The following KLRK1 variants were observed in gnomAD, a reference collection of about 807,000 sequenced individuals.
The protein encoded by KLRK1 is NKG2-D type II integral membrane protein.
Under a neutral mutation model 31.3 loss-of-function variants are expected in KLRK1, and 40 were observed. That is an observed-to-expected ratio of 1.28 (90% CI 0.99 to 1.67). The LOEUF (loss-of-function observed/expected upper bound fraction) is 1.67, where lower values mean the gene tolerates loss of function less well. Ranked by LOEUF, KLRK1 falls within the 40% of genes most tolerant of loss-of-function variation. The pLI, the probability that KLRK1 is intolerant of heterozygous loss-of-function variation, is 0.00. For synonymous variants in KLRK1, 77 were observed against 77.3 expected, an observed-to-expected ratio of 1.00 and a Z score of 0.02; for missense variants, 251 against 260.0, an observed-to-expected ratio of 0.97 and a Z score of 0.24.
intron 3 of KLRK1, among the ~76,000 whole-genome samples, chr12:10,385,272 G>A (rs1032207413): frequency 1.3e-5 from 2 of 151,426 alleles, no homozygotes; most frequent in African/African-American, 4.9e-5. Context: ...TTGAAGTAAC[G>A]TCTGCACCCC....
At chr12:10,380,083 T>TG (rs1491543806) in intron 3 of KLRK1, among the ~76,000 whole-genome samples, 2 of 77,982 alleles carry the variant, frequency 2.6e-5, no homozygotes, top group African/African-American at 8.2e-5. Context: ...TTTTTTTTTT[T>TG]GAGACGGAGT....
Position 10,386,909 on chromosome 12 carries a change from C to G in KLRK1, c.142G>C (p.Glu48Gln), listed in dbSNP as rs759618556. ...AATGGAACATAGGACTTACCATTTT[C>G]TCTACATTTGCTTTTGACTACTGGA... ...RCPVVKSKCR[E>Q]NASPFFFCCF... Residue 48 changes from glutamate to glutamine, a missense_variant, in exon 3 of 8, where the codon GAA becomes CAA. Glu to Gln is a conservative substitution (Grantham distance 29, BLOSUM62 2). Coordinates refer to ENST00000240618, the MANE Select transcript of KLRK1 (RefSeq NM_007360.4). 59 of 1,611,360 alleles carry G rather than the reference C, an allele frequency of 3.7e-5. No homozygotes were observed. Among genetic ancestry groups the G allele is most frequent in the Non-Finnish European group, 4.9e-5 (58 of 1,178,780 alleles).
chr12:10,373,720 A>G (rs991432259), intron 7 of KLRK1, among the ~76,000 whole-genome samples: 1 of 146,642 alleles, frequency 6.8e-6, no homozygotes, highest in African/African-American at 2.6e-5. Flanking sequence ...GTGTGTGCAT[A>G]TGTTTAGGCA....
intron 2 of KLRK1, 79 bp from the exon 3 acceptor site, chr12:10,387,089 C>T (rs1863179614): frequency 1.8e-6 from 2 of 1,090,444 alleles, no homozygotes; most frequent in Non-Finnish European, 2.6e-6. Flanking sequence ...ATTCAGCTTG[C>T]CATTTCCATC....
Position 10,379,764 on chromosome 12 carries a change from G to T in KLRK1, c.177C>A (p.Ile59=), listed in dbSNP as rs200989597. 4 of 1,611,368 alleles carry T rather than the reference G, an allele frequency of 2.5e-6. No homozygotes were observed. The highest frequency in any genetic ancestry group is 3.3e-5 in the Admixed American group (2 of 59,832). Residue 59 remains isoleucine, a synonymous_variant, in exon 4 of 8, where the codon ATC becomes ATA. Coordinates refer to ENST00000240618, the MANE Select transcript of KLRK1 (RefSeq NM_007360.4). The stretch of plus-strand genomic sequence containing the variant: ...TGAAACGGATTCCCATGGCTACAGC[G>T]ATGAAGCAGCAGAAAAAAAATGGAG... ...NASPFFFCCF[I]AVAMGIRFII...
At chr12:10,377,508 G>A (rs1231074786) in intron 7 of KLRK1, among the ~76,000 whole-genome samples, 1 of 152,148 alleles carries the variant, frequency 6.6e-6, no homozygotes, top group Non-Finnish European at 1.5e-5. Context: ...ACTTTTCTAA[G>A]TGAAAATAAG....
At position 10,386,929 on chromosome 12, in the gene KLRK1, A is replaced by C; in HGVS notation, c.122T>G (p.Val41Gly). Residue 41 changes from valine to glycine, a missense_variant, in exon 3 of 8, where the codon GTA (valine) becomes GGA (glycine). Coordinates refer to ENST00000240618, the MANE Select transcript of KLRK1 (RefSeq NM_007360.4). ...ATTTTCTCTACATTTGCTTTTGACT[A>C]CTGGACATCTTTGCTTTTGCCATCG... ...STRWQKQRCP[V>G]VKSKCRENAS... The C allele has an allele frequency of 3.1e-6, 5 of 1,612,070 alleles. No homozygotes were observed. Among genetic ancestry groups the C allele is most frequent in the Non-Finnish European group, 4.2e-6 (5 of 1,179,080 alleles).
At position 10,389,934 on chromosome 12, in the gene KLRK1, TACAC is replaced by T. The variant is rs1863244214; in HGVS notation, c.-66+5_-66+8del. 1 of 152,040 alleles carries T rather than the reference TACAC, an allele frequency of 6.6e-6. No homozygotes were observed. The highest frequency in any genetic ancestry group is 1.9e-4 in the East Asian group (1 of 5,190). 9.4% of individuals were successfully genotyped at this position (152,040 alleles called of 1,614,324 possible). Reference sequence around the variant, plus strand: ...TAATAAACACACACACATACACACATACACACACCTGCTCAGAGAGGGAAGATCT... The same window carrying T: ...TAATAAACACACACACATACACACATACACCTGCTCAGAGAGGGAAGATCT... On this transcript the variant is annotated splice_donor_5th_base_variant and intron_variant, in intron 1 of 7. Transcript: ENST00000240618.
intron 7 of KLRK1, among the ~76,000 whole-genome samples, chr12:10,377,250 G>C (rs998960973): frequency 6.6e-6 from 1 of 152,148 alleles, no homozygotes. Context: ...TTGGATAACA[G>C]TGTGGCACTT....
chr12:10,387,437 TAAAAA>T (rs899392124), intron 2 of KLRK1, among the ~76,000 whole-genome samples: 4 of 151,598 alleles, frequency 2.6e-5, no homozygotes, highest in Non-Finnish European at 5.9e-5. Context: ...ACGAAAGAAA[TAAAAA>T]AGAAAAGGAT....
Position 10,372,552 on chromosome 12 carries a change from G to A in KLRK1, c.*562C>T, listed in dbSNP as rs541993380. On this transcript the variant is annotated 3_prime_UTR_variant, in exon 8 of 8. Coordinates refer to ENST00000240618, the MANE Select transcript of KLRK1 (RefSeq NM_007360.4). The stretch of plus-strand genomic sequence containing the variant: ...AAGTACAAATCATAGCAAAGGAAAC[G>A]TCCTAAGATCTTACTTAAGGCTGGA... The A allele has an allele frequency of 1.1e-5, 1 of 89,816 alleles. No individual in the cohort carries two copies. The highest frequency in any genetic ancestry group is 2.6e-5 in the Non-Finnish European group (1 of 38,002). The allele number at this position is 89,816 out of a possible 1,614,324, so 5.6% of individuals were successfully genotyped here.
intron 3 of KLRK1, among the ~76,000 whole-genome samples, chr12:10,380,089 G>T (rs1456349419): frequency 8.1e-6 from 1 of 122,790 alleles, no homozygotes; most frequent in Non-Finnish European, 1.6e-5. Context: ...TTTTTGAGAC[G>T]GAGTCTCGCT....
chr12:10,374,858 G>A (rs188471744), intron 7 of KLRK1, among the ~76,000 whole-genome samples: 9 of 152,182 alleles, frequency 5.9e-5, no homozygotes, highest in Non-Finnish European at 1.0e-4. Flanking sequence ...ACTCATCTCT[G>A]TAGTTATCTC....
intron 1 of KLRK1, among the ~76,000 whole-genome samples, chr12:10,389,349 A>T (rs191017670): frequency 6.6e-6 from 1 of 152,268 alleles, no homozygotes; most frequent in Non-Finnish European, 1.5e-5. Flanking sequence ...CAACGTGCCC[A>T]TATCATCATC....
intron 2 of KLRK1, among the ~76,000 whole-genome samples, chr12:10,387,910 C>G (rs1863198127): frequency 6.6e-6 from 1 of 152,132 alleles, no homozygotes; most frequent in South Asian, 2.1e-4. Flanking sequence ...TGATTTAGAA[C>G]AAAGACAGAT....
intron 3 of KLRK1, among the ~76,000 whole-genome samples, chr12:10,384,546 A>G (rs2137816837): frequency 6.6e-6 from 1 of 152,164 alleles, no homozygotes; most frequent in Non-Finnish European, 1.5e-5. Flanking sequence ...CTGGATATCC[A>G]CATAGAGGAA....
chr12:10,387,122 T>C, intron 2 of KLRK1, 112 bp from the exon 3 acceptor site: 2 of 664,034 alleles, frequency 3.0e-6, no homozygotes, highest in Non-Finnish European at 5.0e-6. Flanking sequence ...CTGACTATCC[T>C]TTTTAAAGTA....
intron 1 of KLRK1, among the ~76,000 whole-genome samples, chr12:10,389,409 T>C (rs1863233867): frequency 6.6e-6 from 1 of 152,130 alleles, no homozygotes; most frequent in South Asian, 2.1e-4. Context: ...ATCTCACATG[T>C]TTATATAGTA....
intron 7 of KLRK1, among the ~76,000 whole-genome samples, chr12:10,374,661 G>T (rs1177194586): frequency 6.6e-6 from 1 of 152,300 alleles, no homozygotes; most frequent in Non-Finnish European, 1.5e-5. Context: ...TCACAGGCGT[G>T]AGCCACTGCA....
Sources: allele counts gnomAD v4.1 joint callset (sites outside exome capture counted in the v4.1 genomes callset), GRCh38; gene constraint gnomAD v4.1.1; transcripts MANE v1.5; gene names NCBI Gene and HGNC (gene_info 2026-07-23, HGNC 2026-07-21).